PPP6R2: variants seen among roughly 807,000 people sequenced by gnomAD.
PPP6R2 encodes serine/threonine-protein phosphatase 6 regulatory subunit 2.
Under a neutral mutation model 100.2 loss-of-function variants are expected in PPP6R2, and 62 were observed. That is an observed-to-expected ratio of 0.62 (90% CI 0.50 to 0.76). PPP6R2 has a LOEUF of 0.76. Ranked by LOEUF, PPP6R2 falls within the 30% of genes least tolerant of loss-of-function variation. The pLI is 0.00. For synonymous variants in PPP6R2, 525 were observed against 514.7 expected, an observed-to-expected ratio of 1.02 and a Z score of -0.27; for missense variants, 1,142 against 1,276.3, an observed-to-expected ratio of 0.89 and a Z score of 1.60.
chr22:50,340,563 T>A (rs2042361658), upstream of PPP6R2, among the ~76,000 whole-genome samples: 5 of 134,310 alleles, frequency 3.7e-5, no homozygotes, highest in South Asian at 1.2e-3. Context: ...GTGTGGTATG[T>A]AGTGTGTGTG....
At chr22:50,392,628 T>C (rs2148866588) in intron 2 of PPP6R2, among the ~76,000 whole-genome samples, 1 of 152,256 alleles carries the variant, frequency 6.6e-6, no homozygotes, top group East Asian at 1.9e-4. Flanking sequence ...TGCAGCATCC[T>C]TGTAGTGCGG....
intron 4 of PPP6R2, among the ~76,000 whole-genome samples, chr22:50,412,980 G>A (rs1164066102): frequency 7.7e-6 from 1 of 129,914 alleles, no homozygotes; most frequent in African/African-American, 2.9e-5. Context: ...TTTTTTTTGA[G>A]ACAGAGTTTT....
At position 50,431,849 on chromosome 22, in the gene PPP6R2, G is replaced by C. The variant is rs977597546; in HGVS notation, c.1336-416G>C. Among the ~76,000 whole-genome samples, 6 of 152,214 alleles carry C rather than the reference G, an allele frequency of 3.9e-5. No individual in the cohort carries two copies. The highest frequency in any genetic ancestry group is 1.4e-4 in the African/African-American group (6 of 41,438). On this transcript the variant is annotated intron_variant, in intron 11 of 23. Coordinates refer to ENST00000612753, the MANE Select transcript of PPP6R2 (RefSeq NM_001242898.2). The surrounding 1 kb of genome is among the most constrained non-coding windows in gnomAD (Gnocchi z 4.8). Reference sequence around the variant, plus strand: ...ACATCTCAGGTACAAGAAGTGATCTGTGTCAGGGCCTGGAGGTGAGAGAAA... The same window carrying C: ...ACATCTCAGGTACAAGAAGTGATCTCTGTCAGGGCCTGGAGGTGAGAGAAA...
In PPP6R2 at chr22:50,444,205, A is replaced by G. The variant is rs1462065778; in HGVS notation, c.2838A>G (p.Thr946=). ...CCCCACCCCATTCCTGCAGGAAGAC[A>G]GATGCCCCGCCAGAAGGAGCTGCCT... is the stretch of plus-strand genomic sequence containing the variant. The part of the protein sequence containing the change: ...TLGTVTKDGK[T]DAPPEGAALN... Residue 946 remains threonine, a synonymous_variant, in exon 24 of 24, where the codon ACA becomes ACG. Coordinates refer to ENST00000612753, the MANE Select transcript of PPP6R2 (RefSeq NM_001242898.2). 6.2e-7 allele frequency: 1 copy of G among 1,612,938 alleles called. No individual in the cohort carries two copies. Among genetic ancestry groups the G allele is most frequent in the Admixed American group, 1.7e-5 (1 of 59,868 alleles).
the PPP6R2 span, among the ~76,000 whole-genome samples, chr22:50,337,118 G>A: frequency 6.6e-6 from 1 of 151,094 alleles, no homozygotes; most frequent in Non-Finnish European, 1.5e-5. Flanking sequence ...GAGTGTGTGT[G>A]TGTGTGTGTG....
rs140787756 is a variant in PPP6R2, at chr22:50,442,339, G to A, written c.2579+1313G>A. 3.7e-3 allele frequency among the ~76,000 whole-genome samples: 568 copies of A among 152,318 alleles called. 4 individuals are homozygous for A. The highest frequency in any genetic ancestry group is 0.013 in the African/African-American group (532 of 41,578). On this transcript the variant is annotated intron_variant, in intron 22 of 23. Coordinates refer to ENST00000612753, the MANE Select transcript of PPP6R2 (RefSeq NM_001242898.2). Reference sequence around the variant, plus strand: ...GCTCTCCCCGCCCTGTTGACCAGCAGGCCCCGTCTGTGCTCACAGCTCCTC... The same window carrying A: ...GCTCTCCCCGCCCTGTTGACCAGCAAGCCCCGTCTGTGCTCACAGCTCCTC...
At chr22:50,393,566 G>T (rs1020354212) in intron 2 of PPP6R2, 2 of 981,588 alleles carry the variant, frequency 2.0e-6, no homozygotes, top group Non-Finnish European at 1.2e-6. Context: ...CAAAGGAGGG[G>T]GTTAGCCCAG....
chr22:50,374,212 C>T (rs907819883), intron 2 of PPP6R2, among the ~76,000 whole-genome samples: 7 of 151,992 alleles, frequency 4.6e-5, no homozygotes, highest in Admixed American at 1.3e-4. Context: ...CACTCTGATG[C>T]GTTAAAAATT....
At chr22:50,398,118 C>T (rs1041604702) in intron 3 of PPP6R2, among the ~76,000 whole-genome samples, 13 of 151,492 alleles carry the variant, frequency 8.6e-5, no homozygotes, top group African/African-American at 2.7e-4. Context: ...GGATCACTTA[C>T]GCCCAGGAGT....
At chr22:50,357,424 C>CTTTTCT (rs1555969141) in intron 1 of PPP6R2, among the ~76,000 whole-genome samples, 2 of 149,894 alleles carry the variant, frequency 1.3e-5, no homozygotes, top group Middle Eastern at 3.2e-3. Flanking sequence ...TCTTTCTTTT[C>CTTTTCT]TTTTCTTTTT....
At chr22:50,422,743 G>T (rs1200987942) in intron 9 of PPP6R2, among the ~76,000 whole-genome samples, 1 of 152,130 alleles carries the variant, frequency 6.6e-6, no homozygotes, top group Non-Finnish European at 1.5e-5. Flanking sequence ...GGGGGGTGAG[G>T]CACACAAAGG....
At chr22:50,429,363 G>T (rs2062745967) in intron 10 of PPP6R2, among the ~76,000 whole-genome samples, 1 of 152,098 alleles carries the variant, frequency 6.6e-6, no homozygotes, top group Non-Finnish European at 1.5e-5. Context: ...TTTTTTGTAT[G>T]AGTTGAGATG....
chr22:50,419,838 T>G (rs968705286), intron 8 of PPP6R2, among the ~76,000 whole-genome samples: 1 of 152,252 alleles, frequency 6.6e-6, no homozygotes, highest in Non-Finnish European at 1.5e-5. Flanking sequence ...TGGTTACATA[T>G]ACATGTGTTT....
chr22:50,358,369 T>G (rs1255460482), intron 1 of PPP6R2, among the ~76,000 whole-genome samples: 1 of 152,214 alleles, frequency 6.6e-6, no homozygotes, highest in Non-Finnish European at 1.5e-5. Context: ...GTTATGATTA[T>G]TTTGTGTCTT....
rs371290582 is a variant in PPP6R2 at position 50,444,265 on chromosome 22, C to T, written c.*18C>T. 2.9e-4 allele frequency: 460 copies of T among 1,612,130 alleles called. No individual in the cohort carries two copies. The highest frequency in any genetic ancestry group is 3.7e-4 in the Non-Finnish European group (441 of 1,179,632). Reference sequence around the variant, plus strand: ...CAGTGTGATGCTGCTGCCGCCCGGCCACGGCCCACCCTGGTCAGGCTGCCT... The same window carrying T: ...CAGTGTGATGCTGCTGCCGCCCGGCTACGGCCCACCCTGGTCAGGCTGCCT... On this transcript the variant is annotated 3_prime_UTR_variant, in exon 24 of 24. Coordinates refer to ENST00000612753, the MANE Select transcript of PPP6R2 (RefSeq NM_001242898.2).
intron 15 of PPP6R2, 121 bp from the exon 16 acceptor site, chr22:50,437,385 T>A: frequency 1.4e-6 from 1 of 725,130 alleles, no homozygotes; most frequent in East Asian, 2.7e-5. Context: ...TGCCCACTTG[T>A]GCTGGAGGAG....
At chr22:50,353,272 C>T (rs904064395) in intron 1 of PPP6R2, among the ~76,000 whole-genome samples, 1 of 152,044 alleles carries the variant, frequency 6.6e-6, no homozygotes, top group Non-Finnish European at 1.5e-5. Context: ...AGCTTTTGAT[C>T]GAAATGAGAG....
chr22:50,343,033 A>C (rs762475554), upstream of PPP6R2, among the ~76,000 whole-genome samples: 16 of 152,194 alleles, frequency 1.1e-4, no homozygotes, highest in Non-Finnish European at 2.2e-4. Flanking sequence ...CCACGCGAGG[A>C]TTGTTTTGTG....
intron 2 of PPP6R2, among the ~76,000 whole-genome samples, chr22:50,375,463 A>G (rs1033804527): frequency 6.6e-6 from 1 of 152,172 alleles, no homozygotes; most frequent in African/African-American, 2.4e-5. Flanking sequence ...GTTAAGCTCG[A>G]TTCCTCTCAA....
Sources: allele counts gnomAD v4.1 joint callset (sites outside exome capture counted in the v4.1 genomes callset), GRCh38; gene constraint gnomAD v4.1.1; non-coding constraint Gnocchi (gnomAD v3.1); transcripts MANE v1.5; gene names NCBI Gene and HGNC (gene_info 2026-07-23, HGNC 2026-07-21).